The following TECTB variants were observed in gnomAD, a reference collection of about 807,000 sequenced individuals.
TECTB encodes the protein tectorin beta.
Under a neutral mutation model 43.3 loss-of-function variants are expected in TECTB, and 45 were observed. That is an observed-to-expected ratio of 1.04 (90% CI 0.82 to 1.33). The LOEUF is 1.33. Among genes scored for constraint, TECTB ranks in the 40% most tolerant of loss-of-function variants. The pLI is 0.00. For synonymous variants in TECTB, 169 were observed against 156.7 expected, an observed-to-expected ratio of 1.08 and a Z score of -0.59; for missense variants, 399 against 404.7, an observed-to-expected ratio of 0.99 and a Z score of 0.12.
chr10:112,300,204 GAGAC>G lies in TECTB; in HGVS notation c.907+656_907+659del, dbSNP rs201058144. 1.4e-3 allele frequency among the ~76,000 whole-genome samples: 129 copies of G among 91,122 alleles called. 4 individuals are homozygous for G. Among genetic ancestry groups the G allele is most frequent in the African/African-American group, 4.5e-3 (113 of 25,056 alleles). The allele number at this position is 91,122 out of a possible 152,430, so 59.8% of individuals were successfully genotyped here. A position where few individuals can be genotyped will look rare whatever the true frequency, so the allele number is the denominator to read the frequency against. The stretch of plus-strand genomic sequence containing the variant: ...AAGAAAGAAAAAGAAGAAAGAAAGA[GAGAC>G]AGACAGACAGACAGAAAGAAATAAA... On this transcript the variant is annotated intron_variant, in intron 9 of 10. Coordinates refer to ENST00000646139, the MANE Select transcript of TECTB (RefSeq NM_058222.3).
At chr10:112,286,429 CT>C (rs777143976) in intron 5 of TECTB, 38 bp downstream of exon 5, 1 of 1,524,122 alleles carries the variant, frequency 6.6e-7, no homozygotes, top group South Asian at 1.2e-5. Context: ...TCCCTGTGGC[CT>C]TTCCTTTCTA....
At chr10:112,287,873 C>T (rs1223930421) in intron 5 of TECTB, among the ~76,000 whole-genome samples, 1 of 152,202 alleles carries the variant, frequency 6.6e-6, no homozygotes, top group East Asian at 1.9e-4. Context: ...TTAAAGAGGG[C>T]TCTCCACATT....
chr10:112,294,124 C>A, intron 7 of TECTB, 63 bp downstream of exon 7: 1 of 1,509,744 alleles, frequency 6.6e-7, no homozygotes, highest in Non-Finnish European at 9.2e-7. Flanking sequence ...GGCTACTTTG[C>A]TCTGGCTTGG....
chr10:112,296,717 T>C (rs960088147), intron 7 of TECTB, among the ~76,000 whole-genome samples: 2 of 152,106 alleles, frequency 1.3e-5, no homozygotes, highest in Non-Finnish European at 2.9e-5. Context: ...CTCTCACACT[T>C]GACTTCCTTA....
Position 112,303,585 on chromosome 10 carries a change from G to A in TECTB, c.*273G>A. 1 of 474,850 alleles carries A rather than the reference G, an allele frequency of 2.1e-6. No individual in the cohort carries two copies. The highest frequency in any genetic ancestry group is 3.2e-5 in the East Asian group (1 of 30,988). 29.4% of individuals were successfully genotyped at this position (474,850 alleles called of 1,614,324 possible). A position where few individuals can be genotyped will look rare whatever the true frequency, so the allele number is the denominator to read the frequency against. ...CTCCTTTCTCCATACTCAAGTCAGG[G>A]CTGCAGTAAATTCCTTTGAAAGCTA... On this transcript the variant is annotated 3_prime_UTR_variant, in exon 11 of 11. Transcript: ENST00000646139.
intron 5 of TECTB, among the ~76,000 whole-genome samples, chr10:112,288,860 T>A (rs1330890424): frequency 1.3e-5 from 2 of 152,214 alleles, no homozygotes; most frequent in African/African-American, 4.8e-5. Flanking sequence ...TGGTTGGTAT[T>A]CCTAGTGAAA....
chr10:112,303,079 T>C (rs1848626094), intron 10 of TECTB, 184 bp from the exon 11 acceptor site: 1 of 644,108 alleles, frequency 1.6e-6, no homozygotes, highest in African/African-American at 1.8e-5. Flanking sequence ...CAACCTAGGT[T>C]TATCTGTCAG....
At position 112,293,643 on chromosome 10, in the gene TECTB, T is replaced by C. The variant is rs542061989; in HGVS notation, c.484-95T>C. 2.0e-4 allele frequency: 219 copies of C among 1,100,984 alleles called. 4 individuals carry two copies. The South Asian group carries it at 2.7e-3, about 14-fold the overall frequency. The allele number at this position is 1,100,984 out of a possible 1,614,324, so 68.2% of individuals were successfully genotyped here. A position where few individuals can be genotyped will look rare whatever the true frequency, so the allele number is the denominator to read the frequency against. The stretch of plus-strand genomic sequence containing the variant: ...CACCTGCTTATGTCTTTGGGTTGAT[T>C]CTCATCCCCACCCCATCCCAATTCA... On this transcript the variant is annotated intron_variant, in intron 5 of 10. Transcript: ENST00000646139.
At chr10:112,283,604 G>T in intron 1 of TECTB, 44 bp from the exon 2 acceptor site, 1 of 792,664 alleles carries the variant, frequency 1.3e-6, no homozygotes, top group South Asian at 1.8e-5. Flanking sequence ...GTGCGGCTTT[G>T]TTCTTCCCTT....
Position 112,289,601 on chromosome 10 carries a change from A to T in TECTB, c.483+3210A>T, listed in dbSNP as rs543998158. On this transcript the variant is annotated intron_variant, in intron 5 of 10. Transcript: ENST00000646139. ...TCTTCTGAAATAATATCATATAATT[A>T]TCTGGCTGACAGTACTTCAAATATG... is the stretch of plus-strand genomic sequence containing the variant. Among the ~76,000 whole-genome samples, 16 of 152,332 alleles carry T rather than the reference A, an allele frequency of 1.1e-4. No homozygotes were observed. The South Asian group carries it at 3.1e-3, about 30-fold the overall frequency.
intron 9 of TECTB, among the ~76,000 whole-genome samples, chr10:112,300,845 T>C (rs1848605527): frequency 6.6e-6 from 1 of 152,220 alleles, no homozygotes; most frequent in South Asian, 2.1e-4. Context: ...TCATCCTGAA[T>C]GGAGCAAAGG....
rs377720863 is a variant in TECTB, at chr10:112,293,755, C to G, written c.501C>G (p.Ile167Met). ...TTCCAAAGAATGCCAAGTTCTCCAT[C>G]AAGAAAGAAGCTCCCTTTGTCCTGG... is the stretch of plus-strand genomic sequence containing the variant. ...LNFYTNAKFS[I>M]KKEAPFVLEA... Residue 167 changes from isoleucine (I) to methionine (M), a missense_variant, in exon 6 of 11, where the codon ATC becomes ATG. By Grantham distance (10) the Ile-to-Met change is conservative (BLOSUM62 1). Transcript: ENST00000646139. 2 of 1,614,128 alleles carry G rather than the reference C, an allele frequency of 1.2e-6. No individual in the cohort carries two copies. Among genetic ancestry groups the G allele is most frequent in the Non-Finnish European group, 1.7e-6 (2 of 1,180,010 alleles).
intron 7 of TECTB, 30 bp from the exon 8 acceptor site, chr10:112,298,039 A>C: frequency 6.2e-7 from 1 of 1,613,650 alleles, no homozygotes. Context: ...AGGAGATGAC[A>C]GTTCACTCTT....
intron 7 of TECTB, 108 bp from the exon 8 acceptor site, chr10:112,297,961 G>A: frequency 6.8e-7 from 1 of 1,475,264 alleles, no homozygotes; most frequent in South Asian, 1.2e-5. Context: ...GCCTGGGAAG[G>A]TTAGAGGTCA....
chr10:112,293,927 T>G (rs762600824), intron 6 of TECTB, 51 bp from the exon 7 acceptor site: 1 of 1,607,048 alleles, frequency 6.2e-7, no homozygotes, highest in Non-Finnish European at 8.5e-7. Flanking sequence ...CAGATGTTTG[T>G]AGGCATAAGA....
intron 7 of TECTB, among the ~76,000 whole-genome samples, chr10:112,295,086 A>G (rs1848533896): frequency 6.6e-6 from 1 of 152,244 alleles, no homozygotes; most frequent in Admixed American, 6.5e-5. Context: ...TAGAGGAGAG[A>G]CAGGGCTAGA....
chr10:112,285,848 A>G (rs1238764826), intron 3 of TECTB, among the ~76,000 whole-genome samples: 5 of 152,184 alleles, frequency 3.3e-5, no homozygotes. Flanking sequence ...TACGACATCA[A>G]CCTAGATCAT....
At chr10:112,300,272 AAGAAAGAAAAG>A (rs1734526859) in intron 9 of TECTB, among the ~76,000 whole-genome samples, 1 of 33,954 alleles carries the variant, frequency 2.9e-5, no homozygotes, top group Admixed American at 2.9e-4. Context: ...GAAAGAAAGA[AAGAAAGAAAAG>A]AAAGAAAGAA....
At chr10:112,288,452 GC>G in intron 5 of TECTB, among the ~76,000 whole-genome samples, 1 of 152,138 alleles carries the variant, frequency 6.6e-6, no homozygotes, top group East Asian at 1.9e-4. Context: ...TAAGGGTCAA[GC>G]GTCCCCTGAG....
Sources: gnomAD v4.1 joint callset for allele counts (sites outside exome capture counted in the v4.1 genomes callset) on GRCh38, gnomAD v4.1.1 for gene constraint, MANE v1.5 for transcripts, NCBI Gene and HGNC (gene_info 2026-07-23, HGNC 2026-07-21) for gene names.